RAD17: variants seen among roughly 807,000 people sequenced by gnomAD.
RAD17 encodes the protein cell cycle checkpoint protein RAD17.
Under a neutral mutation model 81.5 loss-of-function variants are expected in RAD17, and 31 were observed. The ratio of observed to expected loss-of-function variants is 0.38; its 90% CI spans 0.29 to 0.51. RAD17 has a LOEUF of 0.51. Ranked by LOEUF, RAD17 falls within the 20% of genes least tolerant of loss-of-function variation. The pLI is 0.88. For synonymous variants in RAD17, 261 were observed against 266.2 expected (o/e 0.98, Z 0.19); for missense variants, 681 against 781.2 (o/e 0.87, Z 1.53).
At position 69,393,193 on chromosome 5, in the gene RAD17, T is replaced by C. The variant is rs1764650894; in HGVS notation, c.1228T>C (p.Ser410Pro). ...LTELDSPRLPSHLSEYERDTL... is the reference protein window; with the variant it reads ...LTELDSPRLPPHLSEYERDTL... ...AGAATTAGACTCACCTCGGTTGCCC[T>C]CTCATTTATCAGAATATGAACGGGA... is the stretch of plus-strand genomic sequence containing the variant. The change falls in exon 14 of 19, where the codon TCT (serine) becomes CCT (proline). Residue 410 changes from serine (S) to proline (P), a missense_variant. By Grantham distance (74) the Ser-to-Pro change is moderately conservative (BLOSUM62 -1). Transcript: ENST00000354868. 1 of 1,612,006 alleles carries C rather than the reference T, an allele frequency of 6.2e-7. No homozygotes were observed. Among genetic ancestry groups the C allele is most frequent in the East Asian group, 2.2e-5 (1 of 44,788 alleles).
intron 15 of RAD17, among the ~76,000 whole-genome samples, chr5:69,394,056 A>ATT (rs753921631): frequency 1.2e-3 from 126 of 104,412 alleles, no homozygotes; most frequent in African/African-American, 4.4e-3. Flanking sequence ...TGCCCAGCTT[A>ATT]TTTTTTTTTT....
chr5:69,372,246 G>T, intron 4 of RAD17, 29 bp downstream of exon 4: 1 of 1,541,070 alleles, frequency 6.5e-7, no homozygotes, highest in African/African-American at 1.4e-5. Flanking sequence ...TTTTCCAGTG[G>T]TCTTCCTTTT....
Position 69,391,848 on chromosome 5 carries a change from C to A in RAD17, c.1024C>A (p.Pro342Thr), listed in dbSNP as rs528080715. Residue 342 changes from proline (P) to threonine (T), a missense_variant, in exon 13 of 19, where the codon CCA becomes ACA. Pro to Thr is a conservative substitution (Grantham distance 38). Transcript: ENST00000354868. ...TTATTCAGGAGAAAACAACTTACGG[C>A]CAAGGAAAAAAGGAATGTCTTTAAA... Reference protein sequence around the residue: ...SSSKGENNLRPRKKGMSLKSD... With the variant: ...SSSKGENNLRTRKKGMSLKSD... 1 of 1,548,376 alleles carries A rather than the reference C, an allele frequency of 6.5e-7. No individual in the cohort carries two copies. Among genetic ancestry groups the A allele is most frequent in the Non-Finnish European group, 8.7e-7 (1 of 1,155,216 alleles).
rs1482125700 is a variant in RAD17, at chr5:69,371,449, C to A, written c.-279-5C>A. 52 of 289,422 alleles carry A rather than the reference C, an allele frequency of 1.8e-4. 1 individual carries two copies. Among genetic ancestry groups the A allele is most frequent in the Middle Eastern group, 1.5e-3 (1 of 676 alleles). The allele number at this position is 289,422 out of a possible 1,614,324, so 17.9% of individuals were successfully genotyped here. A position where few individuals can be genotyped will look rare whatever the true frequency, so the allele number is the denominator to read the frequency against. On this transcript the variant is annotated splice_polypyrimidine_tract_variant and splice_region_variant and intron_variant, in intron 2 of 18. Transcript: ENST00000354868. Reference sequence around the variant, plus strand: ...TTGAGGGCTTCTTCCCCCCCCCCCCCCCAGGTGAATTATAGTTTAATGTAC... The same window carrying A: ...TTGAGGGCTTCTTCCCCCCCCCCCCACCAGGTGAATTATAGTTTAATGTAC...
intron 16 of RAD17, among the ~76,000 whole-genome samples, chr5:69,398,926 A>C (rs1357629760): frequency 2.0e-5 from 3 of 149,066 alleles, no homozygotes; most frequent in Non-Finnish European, 4.5e-5. Flanking sequence ...TAATCCGAGC[A>C]CTTTGGAAAG....
In RAD17 at chr5:69,371,091, A is replaced by G. The variant is rs1236592522; in HGVS notation, c.-360A>G. On this transcript the variant is annotated 5_prime_UTR_variant, in exon 2 of 19. Transcript: ENST00000354868. Reference sequence around the variant, plus strand: ...GAAATACTGGAAATGAAGACCTGCAACTGTAATTTGAAATAAGGAAAACTT... The same window carrying G: ...GAAATACTGGAAATGAAGACCTGCAGCTGTAATTTGAAATAAGGAAAACTT... The G allele has an allele frequency of 2.1e-5, 9 of 438,746 alleles. No individual in the cohort carries two copies. The East Asian group carries it at 4.2e-4, about 21-fold the overall frequency. The allele number at this position is 438,746 out of a possible 1,614,324, so 27.2% of individuals were successfully genotyped here. A position where few individuals can be genotyped will look rare whatever the true frequency, so the allele number is the denominator to read the frequency against.
chr5:69,386,031 TA>T lies in RAD17; in HGVS notation c.646-11del, dbSNP rs1764193058. 6.5e-7 allele frequency: 1 copy of T among 1,542,530 alleles called. No homozygotes were observed. Among genetic ancestry groups the T allele is most frequent in the Admixed American group, 2.1e-5 (1 of 47,760 alleles). On this transcript the variant is annotated splice_polypyrimidine_tract_variant and intron_variant, in intron 8 of 18. Coordinates refer to ENST00000354868, the MANE Select transcript of RAD17 (RefSeq NM_133338.3). ...TAAAACTATACTATTATTTATTTTT[TA>T]TTTTCAATAGGATTTACCTAACCAG...
Position 69,381,353 on chromosome 5 carries a change from C to T in RAD17, c.352-548C>T, listed in dbSNP as rs545690689. Among the ~76,000 whole-genome samples, 8 of 151,930 alleles carry T rather than the reference C, an allele frequency of 5.3e-5. No individual in the cohort carries two copies. In the South Asian group the frequency reaches 1.7e-3, roughly 32 times the overall value. On this transcript the variant is annotated intron_variant, in intron 6 of 18. Coordinates refer to ENST00000354868, the MANE Select transcript of RAD17 (RefSeq NM_133338.3). ...AAAATTAGCCGGGCGTGGTGGCGGG[C>T]GCCTGTAGTCCCAGCTACTCGGGTG...
At chr5:69,372,318 C>A in intron 4 of RAD17, 101 bp downstream of exon 4, 3 of 1,137,628 alleles carry the variant, frequency 2.6e-6, no homozygotes, top group Non-Finnish European at 4.0e-6. Flanking sequence ...TGTGACTTAG[C>A]ATTCGTAAAG....
At chr5:69,407,562 G>GTTT (rs550222595) in intron 17 of RAD17, among the ~76,000 whole-genome samples, 4,357 of 41,120 alleles carry the variant, frequency 0.11, 1,652 homozygotes, top group Non-Finnish European at 0.14. Flanking sequence ...CTATGTCCAA[G>GTTT]TTTTTTTTTT....
intron 12 of RAD17, among the ~76,000 whole-genome samples, chr5:69,389,757 C>G (rs1167511545): frequency 6.6e-6 from 1 of 152,196 alleles, no homozygotes; most frequent in Non-Finnish European, 1.5e-5. Flanking sequence ...TCTCCTGCCT[C>G]AGCCTTCTGA....
chr5:69,378,187 A>G (rs958259622), intron 6 of RAD17, among the ~76,000 whole-genome samples: 1 of 152,188 alleles, frequency 6.6e-6, no homozygotes, highest in African/African-American at 2.4e-5. Flanking sequence ...TAAGATCTAG[A>G]TTTATCAATG....
chr5:69,373,698 T>G (rs1763157784), intron 4 of RAD17, 132 bp from the exon 5 acceptor site: 5 of 535,494 alleles, frequency 9.3e-6, no homozygotes, highest in Non-Finnish European at 1.3e-5. Context: ...TTTTTTTTTT[T>G]TTTTTTTTTT....
chr5:69,413,439 T>C lies in RAD17; in HGVS notation c.1752-592T>C, dbSNP rs78473460. Among the ~76,000 whole-genome samples the C allele has an allele frequency of 9.6e-3, 1,464 of 152,114 alleles. 12 individuals carry two copies. Among genetic ancestry groups the C allele is most frequent in the Non-Finnish European group, 0.014 (972 of 67,968 alleles). On this transcript the variant is annotated intron_variant, in intron 18 of 18. Transcript: ENST00000354868. Reference sequence around the variant, plus strand: ...GGGCGATAGAGAAAGACAGTCTCAATGAAAAAAAAGAAAAAAGAAAAATTC... The same window carrying C: ...GGGCGATAGAGAAAGACAGTCTCAACGAAAAAAAAGAAAAAAGAAAAATTC...
intron 8 of RAD17, 22 bp downstream of exon 8, chr5:69,384,955 T>A (rs958187111): frequency 1.3e-4 from 28 of 210,606 alleles, no homozygotes; most frequent in Non-Finnish European, 2.0e-4. Context: ...TTTTAAAATC[T>A]TTTTTTTTTT....
chr5:69,399,703 CAA>C (rs1765133947), intron 16 of RAD17, among the ~76,000 whole-genome samples: 3 of 152,032 alleles, frequency 2.0e-5, no homozygotes, highest in African/African-American at 7.2e-5. Context: ...CTAAAGAAAA[CAA>C]ATTATTTCAT....
At chr5:69,382,679 CAAG>C in intron 7 of RAD17, among the ~76,000 whole-genome samples, 1 of 152,084 alleles carries the variant, frequency 6.6e-6, no homozygotes, top group Non-Finnish European at 1.5e-5. Flanking sequence ...TGCCCCCCAA[CAAG>C]ATAGCTTAGA....
At position 69,392,002 on chromosome 5, in the gene RAD17, T is replaced by C; in HGVS notation, c.1178T>C (p.Leu393Pro). ...CTCTTCAGAGCTTTGGGGAAAATTC[T>C]ATATTGTAAAAGTAAGAAATTTTTA... ...LFLFRALGKI[L>P]YCKRASLTEL... The change falls in exon 13 of 19, where the codon CTA (leucine) becomes CCA (proline). Residue 393 changes from leucine (L) to proline (P), a missense_variant. Transcript: ENST00000354868. 6.5e-7 allele frequency: 1 copy of C among 1,541,684 alleles called. No homozygotes were observed. The highest frequency in any genetic ancestry group is 8.7e-7 in the Non-Finnish European group (1 of 1,153,382).
chr5:69,377,494 T>C (rs1472943695), intron 6 of RAD17, among the ~76,000 whole-genome samples: 2 of 105,586 alleles, frequency 1.9e-5, no homozygotes, highest in Non-Finnish European at 3.7e-5. Flanking sequence ...CACATATATA[T>C]ACGTATATAT....
Sources: allele counts gnomAD v4.1 joint callset (sites outside exome capture counted in the v4.1 genomes callset), GRCh38; gene constraint gnomAD v4.1.1; transcripts MANE v1.5; gene names NCBI Gene and HGNC (gene_info 2026-07-23, HGNC 2026-07-21).